AP2A2: variants seen among roughly 807,000 people sequenced by gnomAD.
The protein encoded by AP2A2 is AP-2 complex subunit alpha-2.
Under a neutral mutation model 104.2 loss-of-function variants are expected in AP2A2, and 32 were observed. The ratio of observed to expected loss-of-function variants is 0.31; its 90% CI spans 0.23 to 0.41. The LOEUF (loss-of-function observed/expected upper bound fraction) is 0.41, where lower values mean the gene tolerates loss of function less well. Among genes scored for constraint, AP2A2 ranks in the 10% least tolerant of loss-of-function variants. The probability of loss-of-function intolerance (pLI) is 1.00; values close to 1 mark genes in which losing one functional copy is unlikely to be tolerated. For missense variants in AP2A2, 912 were observed against 1,261.0 expected (o/e 0.72, Z 4.19); for synonymous variants, 539 against 533.3 (o/e 1.01, Z -0.15).
intron 14 of AP2A2, chr11:995,297 A>G (rs1378792096): frequency 2.2e-6 from 1 of 455,768 alleles, no homozygotes; most frequent in Non-Finnish European, 4.4e-6. Flanking sequence ...TGATGCGATG[A>G]GAATAATCCT....
chr11:970,389 C>T (rs1405540682), intron 3 of AP2A2, 78 bp downstream of exon 3: 15 of 1,546,452 alleles, frequency 9.7e-6, no homozygotes, highest in Admixed American at 3.8e-5. Flanking sequence ...CGTGTAGGGC[C>T]GCTGCTTCCT....
chr11:972,797 C>T (rs1218513967), intron 4 of AP2A2, among the ~76,000 whole-genome samples: 3 of 152,258 alleles, frequency 2.0e-5, no homozygotes, highest in Admixed American at 2.0e-4. Context: ...CCACACCCTG[C>T]CAGCAAAACC....
Position 994,219 on chromosome 11 carries a change from C to T in AP2A2, c.1930C>T (p.Pro644Ser). Residue 644 changes from proline to serine, a missense_variant, in exon 14 of 22, where the codon CCT (proline) becomes TCT (serine). Pro to Ser is a moderately conservative substitution (Grantham distance 74). Transcript: ENST00000448903. Reference sequence around the variant, plus strand: ...TGTGGACGTGAACGGGGGTCCTGAGCCTGCCCCAGCCAGTACCAGCGCCGT... The same window carrying T: ...TGTGGACGTGAACGGGGGTCCTGAGTCTGCCCCAGCCAGTACCAGCGCCGT... ...RSVDVNGGPE[P>S]APASTSAVST... 2 of 1,612,822 alleles carry T rather than the reference C, an allele frequency of 1.2e-6. No homozygotes were observed. Among genetic ancestry groups the T allele is most frequent in the Non-Finnish European group, 1.7e-6 (2 of 1,179,820 alleles).
chr11:926,001 G>T lies in AP2A2; in HGVS notation c.-21G>T. On this transcript the variant is annotated 5_prime_UTR_variant, in exon 1 of 22. Transcript: ENST00000448903. ...CCTCCGCCCGGGTCCGCCAGCCGAG[G>T]CCGCTCCCGAGCGTCGGAAGATGCC... 7.1e-7 allele frequency: 1 copy of T among 1,400,372 alleles called. No homozygotes were observed. Among genetic ancestry groups the T allele is most frequent in the South Asian group, 1.5e-5 (1 of 67,334 alleles). The allele number at this position is 1,400,372 out of a possible 1,614,324, so 86.7% of individuals were successfully genotyped here.
chr11:954,927 C>T (rs919552684), intron 1 of AP2A2, among the ~76,000 whole-genome samples: 1 of 152,294 alleles, frequency 6.6e-6, no homozygotes, highest in South Asian at 2.1e-4. Flanking sequence ...TATATAAAAT[C>T]TGTAGATTCC....
chr11:955,628 T>G (rs1330737989), intron 1 of AP2A2, among the ~76,000 whole-genome samples: 1 of 152,154 alleles, frequency 6.6e-6, no homozygotes, highest in African/African-American at 2.4e-5. Flanking sequence ...AGTGCTTGGG[T>G]CGGGGAGCCG....
intron 15 of AP2A2, among the ~76,000 whole-genome samples, chr11:1,003,334 C>T (rs1032065979): frequency 2.0e-5 from 3 of 152,218 alleles, no homozygotes; most frequent in African/African-American, 4.8e-5. Flanking sequence ...GCTCTGATGG[C>T]GAGGCCCTCG....
chr11:989,263 G>C (rs1855566915), intron 10 of AP2A2, among the ~76,000 whole-genome samples: 1 of 152,152 alleles, frequency 6.6e-6, no homozygotes, highest in Admixed American at 6.5e-5. Context: ...GGAGGCGGAG[G>C]CGGAGGTTGT....
At chr11:994,267 C>T (rs764711389) in intron 14 of AP2A2, 22 bp downstream of exon 14, 5 of 1,610,188 alleles carry the variant, frequency 3.1e-6, no homozygotes, top group Non-Finnish European at 3.4e-6. Flanking sequence ...ACCTACTGTG[C>T]ACCCAGACCT....
At chr11:976,856 T>C (rs886539477) in intron 4 of AP2A2, among the ~76,000 whole-genome samples, 4 of 152,248 alleles carry the variant, frequency 2.6e-5, no homozygotes, top group Non-Finnish European at 5.9e-5. Flanking sequence ...GAGCTGCATG[T>C]GGTCGGCTGG....
intron 6 of AP2A2, 127 bp from the exon 7 acceptor site, chr11:984,518 G>T: frequency 1.2e-6 from 1 of 802,874 alleles, no homozygotes; most frequent in Non-Finnish European, 2.1e-6. Context: ...AGACACTCTT[G>T]GCACATGAAA....
rs1178165848 is a variant in AP2A2, at chr11:1,009,087, C to T, written c.2421-13C>T. 4.4e-6 allele frequency: 7 copies of T among 1,602,120 alleles called. No homozygotes were observed. In the Admixed American group the frequency reaches 8.4e-5, roughly 19 times the overall value. ...AGCTGACTGTCTCTTTCTGCTGCTGCTGCTGCTGGCAGGTATGGGGGCACC... is the reference window on the plus strand; with the variant it reads ...AGCTGACTGTCTCTTTCTGCTGCTGTTGCTGCTGGCAGGTATGGGGGCACC... On this transcript the variant is annotated splice_polypyrimidine_tract_variant and intron_variant, in intron 18 of 21. Transcript: ENST00000448903.
intron 1 of AP2A2, among the ~76,000 whole-genome samples, chr11:941,456 A>AT (rs984042398): frequency 1.3e-4 from 20 of 151,754 alleles, no homozygotes; most frequent in Non-Finnish European, 2.8e-4. Flanking sequence ...TGTAATTTTT[A>AT]TTTTTTTTAG....
chr11:939,371 T>G (rs1247979318), intron 1 of AP2A2, among the ~76,000 whole-genome samples: 1 of 152,212 alleles, frequency 6.6e-6, no homozygotes, highest in Non-Finnish European at 1.5e-5. Context: ...AAATTTACTT[T>G]AAGAATGATT....
At chr11:983,355 G>C (rs1417899935) in intron 6 of AP2A2, among the ~76,000 whole-genome samples, 1 of 138,154 alleles carries the variant, frequency 7.2e-6, no homozygotes, top group Admixed American at 7.7e-5. Context: ...GGGTTAATTT[G>C]CTAGTCTCTT....
chr11:997,196 T>C (rs964800566), intron 14 of AP2A2, among the ~76,000 whole-genome samples: 10 of 152,202 alleles, frequency 6.6e-5, no homozygotes, highest in African/African-American at 2.4e-4. Flanking sequence ...ACATCATAGA[T>C]GAGGCCAGGA....
At chr11:936,879 T>G (rs1328760096) in intron 1 of AP2A2, among the ~76,000 whole-genome samples, 2 of 152,166 alleles carry the variant, frequency 1.3e-5, no homozygotes, top group African/African-American at 2.4e-5. Flanking sequence ...AGGCAGTGTC[T>G]TCTCTGAATG....
At chr11:979,906 TG>T (rs563421353) in intron 5 of AP2A2, among the ~76,000 whole-genome samples, 1 of 152,192 alleles carries the variant, frequency 6.6e-6, no homozygotes, top group Non-Finnish European at 1.5e-5. Flanking sequence ...ATCTTCAGAG[TG>T]AATAGGTATC....
At position 1,011,027 on chromosome 11, in the gene AP2A2, G is replaced by A. The variant is rs1283543812; in HGVS notation, c.*402G>A. 1.5e-6 allele frequency: 1 copy of A among 668,390 alleles called. No individual in the cohort carries two copies. The highest frequency in any genetic ancestry group is 1.8e-5 in the Admixed American group (1 of 54,360). The allele number at this position is 668,390 out of a possible 1,614,324, so 41.4% of individuals were successfully genotyped here. A position where few individuals can be genotyped will look rare whatever the true frequency, so the allele number is the denominator to read the frequency against. ...GCAGCAGTGCCACTGTGCATGGCGT[G>A]GGCTGAGCCTTGGTGTGTGGCCGTC... On this transcript the variant is annotated 3_prime_UTR_variant, in exon 22 of 22. Coordinates refer to ENST00000448903, the MANE Select transcript of AP2A2 (RefSeq NM_012305.4).
Sources: gnomAD v4.1 joint callset for allele counts (sites outside exome capture counted in the v4.1 genomes callset) on GRCh38, gnomAD v4.1.1 for gene constraint, MANE v1.5 for transcripts, NCBI Gene and HGNC (gene_info 2026-07-23, HGNC 2026-07-21) for gene names.